Variants in ESRRG observed in about 807,000 individuals in gnomAD.
ESRRG encodes the protein estrogen related receptor gamma, also known as estrogen-related receptor gamma.
A neutral mutation model predicts 44.0 loss-of-function variants in ESRRG; 13 were observed. The ratio of observed to expected loss-of-function variants is 0.30; its 90% CI spans 0.19 to 0.47. The LOEUF (loss-of-function observed/expected upper bound fraction) is 0.47. Ranked by LOEUF, ESRRG falls within the 20% of genes least tolerant of loss-of-function variation. The pLI is 1.00. For missense variants in ESRRG, 395 were observed against 580.6 expected (o/e 0.68, Z 3.29); for synonymous variants, 215 against 214.6 (o/e 1.00, Z -0.02).
At chr1:217,065,877 G>C (rs529557215) in intron 1 of ESRRG, among the ~76,000 whole-genome samples, 4 of 152,186 alleles carry the variant, frequency 2.6e-5, no homozygotes, top group Non-Finnish European at 5.9e-5. Context: ...AGCGACCAGG[G>C]GCATTTAGAA....
chr1:217,110,723 G>A (rs1055022056), intron 1 of ESRRG, among the ~76,000 whole-genome samples: 8 of 152,246 alleles, frequency 5.3e-5, no homozygotes, highest in South Asian at 2.1e-4. Flanking sequence ...ACCAACGCAT[G>A]AGGGATCTGC....
intron 2 of ESRRG, among the ~76,000 whole-genome samples, chr1:216,851,398 A>T (rs1442050468): frequency 6.6e-6 from 1 of 152,096 alleles, no homozygotes; most frequent in African/African-American, 2.4e-5. Flanking sequence ...TCCAAAATTC[A>T]CAAGTTGAAA....
At chr1:216,839,978 C>G (rs11117692) in intron 2 of ESRRG, among the ~76,000 whole-genome samples, 1 of 152,090 alleles carries the variant, frequency 6.6e-6, no homozygotes, top group Non-Finnish European at 1.5e-5. Flanking sequence ...AAATGGTAAA[C>G]GAGCAATGAC....
At chr1:217,107,354 C>T (rs1478558356) in intron 1 of ESRRG, among the ~76,000 whole-genome samples, 1 of 152,172 alleles carries the variant, frequency 6.6e-6, no homozygotes, top group Non-Finnish European at 1.5e-5. Context: ...TTACTGATGA[C>T]TTTACCCAGC....
intron 1 of ESRRG, among the ~76,000 whole-genome samples, chr1:216,975,647 T>C (rs150580032): frequency 3.3e-5 from 5 of 152,336 alleles, no homozygotes; most frequent in South Asian, 2.1e-4. Flanking sequence ...TCAACCTTTA[T>C]ATAGTCTGCA....
intron 1 of ESRRG, among the ~76,000 whole-genome samples, chr1:216,681,673 C>T (rs532356394): frequency 7.9e-5 from 12 of 152,234 alleles, no homozygotes; most frequent in African/African-American, 2.9e-4. Context: ...GCATTAGATA[C>T]TAATGATCAG....
intron 1 of ESRRG, among the ~76,000 whole-genome samples, chr1:217,076,432 C>T (rs908374321): frequency 2.0e-5 from 3 of 152,134 alleles, no homozygotes; most frequent in South Asian, 2.1e-4. Context: ...TCATTTTTCT[C>T]GGTTGAAGGC....
At chr1:216,921,273 G>T (rs1241740851) in intron 2 of ESRRG, among the ~76,000 whole-genome samples, 5 of 152,182 alleles carry the variant, frequency 3.3e-5, no homozygotes, top group Admixed American at 1.3e-4. Flanking sequence ...CCTCTTAGTC[G>T]CATGGTGACT....
At chr1:216,644,481 T>A (rs1574651682) in intron 3 of ESRRG, among the ~76,000 whole-genome samples, 1 of 147,252 alleles carries the variant, frequency 6.8e-6, no homozygotes, top group South Asian at 2.1e-4. Flanking sequence ...CAGGCTGGAG[T>A]GCAGTGGCAC....
At chr1:216,855,338 C>T (rs745342872) in intron 2 of ESRRG, among the ~76,000 whole-genome samples, 1 of 152,106 alleles carries the variant, frequency 6.6e-6, no homozygotes, top group African/African-American at 2.4e-5. Flanking sequence ...GCTGCTGTTA[C>T]TGTAGCTGAC....
intron 1 of ESRRG, among the ~76,000 whole-genome samples, chr1:217,016,784 C>A (rs1294005472): frequency 2.0e-5 from 3 of 152,100 alleles, no homozygotes; most frequent in Non-Finnish European, 4.4e-5. Flanking sequence ...CCAATTTGGC[C>A]AATGACATTA....
chr1:216,918,507 A>G (rs530990190), intron 2 of ESRRG, among the ~76,000 whole-genome samples: 2 of 152,298 alleles, frequency 1.3e-5, no homozygotes, highest in South Asian at 4.1e-4. Flanking sequence ...TTCTCTACAT[A>G]GATATATACA....
At chr1:216,578,381 T>A (rs140640843) in intron 3 of ESRRG, among the ~76,000 whole-genome samples, 1 of 152,150 alleles carries the variant, frequency 6.6e-6, no homozygotes, top group Admixed American at 6.6e-5. Flanking sequence ...TTATTCAAAC[T>A]TCAAACCCCA....
At chr1:217,003,812 G>A (rs2077378169) in intron 1 of ESRRG, among the ~76,000 whole-genome samples, 1 of 151,510 alleles carries the variant, frequency 6.6e-6, no homozygotes, top group African/African-American at 2.4e-5. Flanking sequence ...TCAGTCTGTT[G>A]TTTTTCATCA....
Position 217,015,632 on chromosome 1 carries a change from A to C in ESRRG, c.-106+73875T>G, listed in dbSNP as rs576897823. On this transcript the variant is annotated intron_variant, in intron 1 of 7. Transcript: ENST00000359162. ...TCCTGAAAATACCTATACAAGATGC[A>C]AGAGAGTTGTGAGGATCTTAATTAC... Among the ~76,000 whole-genome samples, 21 of 152,202 alleles carry C rather than the reference A, an allele frequency of 1.4e-4. No individual in the cohort carries two copies. In the South Asian group the frequency reaches 3.9e-3, roughly 29 times the overall value.
intron 1 of ESRRG, among the ~76,000 whole-genome samples, chr1:217,125,207 G>A (rs1427643417): frequency 1.3e-5 from 2 of 152,156 alleles, no homozygotes; most frequent in Non-Finnish European, 2.9e-5. Context: ...ATCCATACCA[G>A]TACCACAAGT....
At chr1:217,005,786 C>T (rs1410377329) in intron 1 of ESRRG, among the ~76,000 whole-genome samples, 3 of 151,732 alleles carry the variant, frequency 2.0e-5, no homozygotes. Flanking sequence ...ATTCTCTCTT[C>T]TTTTTTTCTA....
rs1412903043 is a variant in ESRRG, at chr1:216,544,374, C to G, written c.862+19845G>C. ...CTTCCTAAACAAAGTCTATTACATA[C>G]TATTTAATTTTCCTGCTGACTCAGA... On this transcript the variant is annotated intron_variant, in intron 5 of 6. Coordinates refer to ENST00000408911, the MANE Select transcript of ESRRG (RefSeq NM_001438.4). Among the ~76,000 whole-genome samples the G allele has an allele frequency of 2.0e-5, 3 of 151,962 alleles. 1 individual carries two copies. Among genetic ancestry groups the G allele is most frequent in the Non-Finnish European group, 4.4e-5 (3 of 67,964 alleles).
At chr1:216,879,412 C>T (rs1007127152) in intron 2 of ESRRG, among the ~76,000 whole-genome samples, 3 of 150,876 alleles carry the variant, frequency 2.0e-5, no homozygotes, top group African/African-American at 7.3e-5. Flanking sequence ...AATTCTCATC[C>T]CCTGCTAGGC....
Sources: allele counts gnomAD v4.1 joint callset (sites outside exome capture counted in the v4.1 genomes callset), GRCh38; gene constraint gnomAD v4.1.1; transcripts MANE v1.5; gene names NCBI Gene and HGNC (gene_info 2026-07-23, HGNC 2026-07-21).